ITPR1: variants seen among roughly 807,000 people sequenced by gnomAD.
ITPR1 encodes the protein inositol 1,4,5-trisphosphate receptor type 1.
ITPR1 carries 96 observed loss-of-function variants against 318.4 expected under a neutral mutation model. That is an observed-to-expected ratio of 0.30 (90% CI 0.26 to 0.36). The LOEUF (loss-of-function observed/expected upper bound fraction) is 0.36. Among genes scored for constraint, ITPR1 ranks in the 10% least tolerant of loss-of-function variants. The pLI is 1.00. For missense variants in ITPR1, 2,440 were observed against 3,460.2 expected (o/e 0.71, Z 7.40); for synonymous variants, 1,312 against 1,289.9 (o/e 1.02, Z -0.37).
intron 20 of ITPR1, among the ~76,000 whole-genome samples, chr3:4,672,267 C>T (rs2094103546): frequency 1.3e-5 from 2 of 152,304 alleles, no homozygotes; most frequent in African/African-American, 2.4e-5. Context: ...CAGTTGTAGA[C>T]GACAAGCTTT....
At chr3:4,609,960 C>T (rs1443476004) in intron 4 of ITPR1, among the ~76,000 whole-genome samples, 1 of 152,094 alleles carries the variant, frequency 6.6e-6, no homozygotes, top group East Asian at 1.9e-4. Context: ...AAGGGATGCC[C>T]GGCCCAGATG....
intron 51 of ITPR1, among the ~76,000 whole-genome samples, chr3:4,787,191 A>G (rs2047249217): frequency 6.6e-6 from 1 of 152,092 alleles, no homozygotes; most frequent in African/African-American, 2.4e-5. Flanking sequence ...GCCTCATGTG[A>G]ATATGCACAC....
At chr3:4,677,527 G>A (rs1559674250) in intron 24 of ITPR1, among the ~76,000 whole-genome samples, 1 of 152,164 alleles carries the variant, frequency 6.6e-6, no homozygotes, top group Non-Finnish European at 1.5e-5. Context: ...CTGAGGCAGA[G>A]GGAGCAGCAA....
chr3:4,791,451 T>A (rs1239173593), intron 52 of ITPR1, among the ~76,000 whole-genome samples: 1 of 152,142 alleles, frequency 6.6e-6, no homozygotes, highest in Non-Finnish European at 1.5e-5. Context: ...CAGTTCACAA[T>A]AGGGTTCACA....
intron 44 of ITPR1, among the ~76,000 whole-genome samples, chr3:4,756,870 C>T (rs961047099): frequency 1.3e-5 from 2 of 152,230 alleles, no homozygotes; most frequent in East Asian, 3.8e-4. Flanking sequence ...CTATCTTACA[C>T]CTTCCCTGGA....
At chr3:4,523,570 A>G (rs1162194508) in intron 4 of ITPR1, among the ~76,000 whole-genome samples, 3 of 152,112 alleles carry the variant, frequency 2.0e-5, no homozygotes, top group Non-Finnish European at 1.5e-5. Flanking sequence ...TCCCTTGGCC[A>G]ACCTCTCAAT....
intron 32 of ITPR1, 57 bp from the exon 33 acceptor site, chr3:4,693,433 T>G: frequency 1.3e-6 from 2 of 1,578,406 alleles, no homozygotes; most frequent in Non-Finnish European, 1.7e-6. Context: ...TAGATTTTTT[T>G]CATGCTGCCC....
intron 4 of ITPR1, among the ~76,000 whole-genome samples, chr3:4,535,379 C>T (rs188356980): frequency 1.5e-4 from 22 of 148,950 alleles, no homozygotes; most frequent in African/African-American, 5.2e-4. Flanking sequence ...GATAAGGACA[C>T]TTGTTGGTGA....
chr3:4,502,287 G>A (rs1213783779), intron 2 of ITPR1, among the ~76,000 whole-genome samples: 2 of 152,132 alleles, frequency 1.3e-5, no homozygotes, highest in Non-Finnish European at 2.9e-5. Context: ...TGAAACTCCA[G>A]GGCCCTAAAA....
intron 4 of ITPR1, among the ~76,000 whole-genome samples, chr3:4,579,836 C>A (rs111549916): frequency 6.6e-6 from 1 of 152,184 alleles, no homozygotes; most frequent in African/African-American, 2.4e-5. Flanking sequence ...TAGTTCCATC[C>A]CCCAAAGATT....
At chr3:4,827,045 G>A (rs186481915) in intron 60 of ITPR1, among the ~76,000 whole-genome samples, 9 of 152,312 alleles carry the variant, frequency 5.9e-5, no homozygotes, top group African/African-American at 1.4e-4. Context: ...TGGCTACTTC[G>A]TCCAACGATG....
At position 4,816,700 on chromosome 3, in the gene ITPR1, G is replaced by A. The variant is rs553650138; in HGVS notation, c.7868-1382G>A. Among the ~76,000 whole-genome samples the A allele has an allele frequency of 1.4e-4, 22 of 152,272 alleles. No individual in the cohort carries two copies. The South Asian group carries it at 3.9e-3, about 27-fold the overall frequency. On this transcript the variant is annotated intron_variant, in intron 59 of 61. Transcript: ENST00000649015. ...CACTGCGCCCAGCCGTGATACTAACGTTGATCATTTGGTTAAGGTGCTAAT... is the reference window on the plus strand; with the variant it reads ...CACTGCGCCCAGCCGTGATACTAACATTGATCATTTGGTTAAGGTGCTAAT...
At chr3:4,801,204 T>C (rs2106469911) in intron 54 of ITPR1, among the ~76,000 whole-genome samples, 1 of 152,284 alleles carries the variant, frequency 6.6e-6, no homozygotes, top group African/African-American at 2.4e-5. Context: ...AGAGGTTTCC[T>C]TGTGAAGGGA....
intron 4 of ITPR1, among the ~76,000 whole-genome samples, chr3:4,524,379 A>T (rs904141836): frequency 7.0e-6 from 1 of 143,674 alleles, no homozygotes; most frequent in Non-Finnish European, 1.5e-5. Flanking sequence ...GTTTCCAAAT[A>T]TAAGTGTATT....
chr3:4,752,770 A>G (rs765479052), intron 44 of ITPR1, among the ~76,000 whole-genome samples: 2 of 152,188 alleles, frequency 1.3e-5, no homozygotes, highest in Non-Finnish European at 2.9e-5. Context: ...AGTAGCTAGA[A>G]CTACTGGCTT....
chr3:4,645,900 T>A, intron 10 of ITPR1, 172 bp downstream of exon 10: 2 of 630,032 alleles, frequency 3.2e-6, no homozygotes, highest in Non-Finnish European at 5.3e-6. Context: ...TGTATATATA[T>A]AAGTCACAAA....
At chr3:4,540,824 C>G (rs1450349022) in intron 4 of ITPR1, among the ~76,000 whole-genome samples, 1 of 152,154 alleles carries the variant, frequency 6.6e-6, no homozygotes, top group Non-Finnish European at 1.5e-5. Context: ...TATCCACCTG[C>G]CTCAGGCTCC....
chr3:4,561,294 G>A (rs1049645838), intron 4 of ITPR1, among the ~76,000 whole-genome samples: 6 of 152,188 alleles, frequency 3.9e-5, no homozygotes, highest in African/African-American at 9.6e-5. Context: ...GAAGGACGAC[G>A]TGGAATTTCC....
At chr3:4,789,596 G>GTTTTGTTTTTGTTTTTGT (rs71053444) in intron 52 of ITPR1, among the ~76,000 whole-genome samples, 8 of 108,080 alleles carry the variant, frequency 7.4e-5, no homozygotes, top group African/African-American at 2.3e-4. Flanking sequence ...ATCCTGAGGT[G>GTTTTGTTTTTGTTTTTGT]TTTTGTTTTT....
Sources: allele counts gnomAD v4.1 joint callset (sites outside exome capture counted in the v4.1 genomes callset), GRCh38; gene constraint gnomAD v4.1.1; transcripts MANE v1.5; gene names NCBI Gene and HGNC (gene_info 2026-07-23, HGNC 2026-07-21).